Variants in JPH3 observed in about 807,000 individuals in gnomAD.
JPH3 encodes junctophilin-3.
Under a neutral mutation model 59.6 loss-of-function variants are expected in JPH3, and 11 were observed. The ratio of observed to expected loss-of-function variants is 0.18; its 90% confidence interval spans 0.12 to 0.31. The LOEUF is 0.31. Among genes scored for constraint, JPH3 ranks in the 10% least tolerant of loss-of-function variants. The pLI is 1.00. For synonymous variants in JPH3, 673 were observed against 483.6 expected, an observed-to-expected ratio of 1.39 and a Z score of -5.14; for missense variants, 1,202 against 1,105.7, an observed-to-expected ratio of 1.09 and a Z score of -1.24.
intron 1 of JPH3, among the ~76,000 whole-genome samples, chr16:87,606,950 A>T (rs192372799): frequency 6.6e-6 from 1 of 152,240 alleles, no homozygotes; most frequent in East Asian, 1.9e-4. Flanking sequence ...CCACACTGGG[A>T]AGTGGAGGCT....
chr16:87,642,645 C>T (rs1025712383), intron 1 of JPH3, among the ~76,000 whole-genome samples: 2 of 152,210 alleles, frequency 1.3e-5, no homozygotes, highest in South Asian at 2.1e-4. Flanking sequence ...GTGGCACATC[C>T]ACGCCGTTAG....
intron 1 of JPH3, among the ~76,000 whole-genome samples, chr16:87,605,153 C>T (rs2030470870): frequency 6.6e-6 from 1 of 152,166 alleles, no homozygotes; most frequent in Non-Finnish European, 1.5e-5. Flanking sequence ...CAGAGGTGCT[C>T]CTGGCTGAGC....
At chr16:87,621,282 T>C (rs2031176077) in intron 1 of JPH3, among the ~76,000 whole-genome samples, 2 of 152,312 alleles carry the variant, frequency 1.3e-5, no homozygotes, top group Middle Eastern at 3.4e-3. Context: ...CTGCTCTGTG[T>C]CGGGAGGGGC....
At chr16:87,655,516 G>A (rs900880747) in intron 2 of JPH3, among the ~76,000 whole-genome samples, 1 of 152,096 alleles carries the variant, frequency 6.6e-6, no homozygotes, top group South Asian at 2.1e-4. Flanking sequence ...ACCACGCCCA[G>A]CTAACATTTT....
Position 87,697,532 on chromosome 16 carries a change from G to C in JPH3, c.*872G>C, listed in dbSNP as rs985419215. 1 of 152,492 alleles carries C rather than the reference G, an allele frequency of 6.6e-6. No individual in the cohort carries two copies. Among genetic ancestry groups the C allele is most frequent in the African/African-American group, 2.4e-5 (1 of 41,472 alleles). The allele number at this position is 152,492 out of a possible 1,614,324, so 9.4% of individuals were successfully genotyped here. A position where few individuals can be genotyped will look rare whatever the true frequency, so the allele number is the denominator to read the frequency against. On this transcript the variant is annotated 3_prime_UTR_variant, in exon 5 of 5. Transcript: ENST00000284262. Reference sequence around the variant, plus strand: ...TGTGCGCTTGGCGTGCAGGGTGGACGCGTGGGGTTCCGTGTCCCCAGCAGT... The same window carrying C: ...TGTGCGCTTGGCGTGCAGGGTGGACCCGTGGGGTTCCGTGTCCCCAGCAGT...
At chr16:87,666,840 G>C (rs1049294519) in intron 2 of JPH3, among the ~76,000 whole-genome samples, 9 of 152,254 alleles carry the variant, frequency 5.9e-5, no homozygotes, top group Admixed American at 5.2e-4. Flanking sequence ...GGGAAACAGA[G>C]GCCACAGAGG....
intron 1 of JPH3, among the ~76,000 whole-genome samples, chr16:87,631,620 G>A (rs779276969): frequency 1.3e-5 from 2 of 152,074 alleles, no homozygotes; most frequent in Non-Finnish European, 2.9e-5. Context: ...CAGTCTGGAC[G>A]CTCACACCCT....
chr16:87,660,719 A>G lies in JPH3; in HGVS notation c.1160+15684A>G, dbSNP rs570464468. On this transcript the variant is annotated intron_variant, in intron 2 of 4. Transcript: ENST00000284262. ...CTTCCACAGATGGACCCCCAATCAC[A>G]CTGTCATATCGCCTGTCTGAGCCTC... Among the ~76,000 whole-genome samples the G allele has an allele frequency of 3.4e-3, 512 of 152,236 alleles. 3 individuals are homozygous for G. The South Asian group carries it at 0.034, about 10-fold the overall frequency.
intron 2 of JPH3, among the ~76,000 whole-genome samples, chr16:87,663,831 C>T (rs781161498): frequency 3.9e-5 from 6 of 152,302 alleles, no homozygotes; most frequent in East Asian, 1.9e-4. Context: ...GCTGTGCTGC[C>T]GTTTTTATTA....
chr16:87,668,108 G>A (rs916921840), intron 2 of JPH3, among the ~76,000 whole-genome samples: 4 of 152,182 alleles, frequency 2.6e-5, no homozygotes, highest in Non-Finnish European at 2.9e-5. Flanking sequence ...GCCCGGCTCC[G>A]TGGGCCAACT....
Position 87,644,637 on chromosome 16 carries a change from C to G in JPH3, c.762C>G (p.Ser254Arg). 1 of 1,612,156 alleles carries G rather than the reference C, an allele frequency of 6.2e-7. No homozygotes were observed. Among genetic ancestry groups the G allele is most frequent in the African/African-American group, 1.3e-5 (1 of 75,046 alleles). Residue 254 changes from serine to arginine, a missense_variant, in exon 2 of 5, where the codon AGC becomes AGG. Physicochemically the swap from Ser to Arg is moderately radical, Grantham distance 110 (BLOSUM62 -1). Transcript: ENST00000284262. ...FRSEAGMSTVSSTASDIHSTI... is the reference protein window; with the variant it reads ...FRSEAGMSTVRSTASDIHSTI... ...GCGAGGCGGGCATGAGCACCGTCAGCTCCACGGCCAGCGACATCCACTCCA... is the reference window on the plus strand; with the variant it reads ...GCGAGGCGGGCATGAGCACCGTCAGGTCCACGGCCAGCGACATCCACTCCA...
chr16:87,695,626 C>G, intron 4 of JPH3: 1 of 456,026 alleles, frequency 2.2e-6, no homozygotes, highest in South Asian at 1.5e-5. Flanking sequence ...CTGGGGCCAC[C>G]GTCCAGGAGG....
intron 1 of JPH3, among the ~76,000 whole-genome samples, chr16:87,640,832 G>A (rs1161592607): frequency 1.3e-5 from 2 of 152,250 alleles, no homozygotes; most frequent in Non-Finnish European, 2.9e-5. Context: ...GCACGGAAGG[G>A]GCAGTCGCTG....
intron 1 of JPH3, among the ~76,000 whole-genome samples, chr16:87,629,070 G>T (rs953425052): frequency 6.6e-6 from 1 of 152,112 alleles, no homozygotes; most frequent in African/African-American, 2.4e-5. Context: ...AACGCTGTGG[G>T]GGGGGCCCAG....
At chr16:87,645,095 G>C (rs1393159549) in intron 2 of JPH3, 60 bp downstream of exon 2, 61 of 1,518,078 alleles carry the variant, frequency 4.0e-5, no homozygotes, top group Non-Finnish European at 5.2e-5. Flanking sequence ...TGTGAGCCCA[G>C]TCTGTTCAGT....
At chr16:87,638,421 A>T (rs972399781) in intron 1 of JPH3, among the ~76,000 whole-genome samples, 1 of 152,102 alleles carries the variant, frequency 6.6e-6, no homozygotes, top group Admixed American at 6.5e-5. Context: ...TCATGGCCGG[A>T]ACGCCAGAGG....
At chr16:87,626,791 C>T (rs943540595) in intron 1 of JPH3, among the ~76,000 whole-genome samples, 1 of 152,158 alleles carries the variant, frequency 6.6e-6, no homozygotes, top group Non-Finnish European at 1.5e-5. Context: ...CAAGAGAAGA[C>T]GTGAGCTTCA....
intron 4 of JPH3, chr16:87,694,905 A>C: frequency 4.5e-6 from 1 of 220,302 alleles, no homozygotes; most frequent in Non-Finnish European, 9.1e-6. Flanking sequence ...TCTCTGTGGC[A>C]GCCGCGGTTG....
At position 87,611,933 on chromosome 16, in the gene JPH3, C is replaced by T. The variant is rs1257578665; in HGVS notation, c.382+8405C>T. ...GCAGCGTGTCAGGCCTGCCTGACCT[C>T]CAGGGTCAGGATGTGTGTTTGGAGA... On this transcript the variant is annotated intron_variant, in intron 1 of 4. Coordinates refer to ENST00000284262, the MANE Select transcript of JPH3 (RefSeq NM_020655.4). The surrounding 1 kb of genome is among the most constrained non-coding windows in gnomAD (Gnocchi z 4.5). 1.3e-5 allele frequency among the ~76,000 whole-genome samples: 2 copies of T among 152,144 alleles called. No individual in the cohort carries two copies. The highest frequency in any genetic ancestry group is 4.8e-5 in the African/African-American group (2 of 41,432).
Sources: allele counts gnomAD v4.1 joint callset (sites outside exome capture counted in the v4.1 genomes callset), GRCh38; gene constraint gnomAD v4.1.1; non-coding constraint Gnocchi (gnomAD v3.1); transcripts MANE v1.5; gene names NCBI Gene and HGNC (gene_info 2026-07-23, HGNC 2026-07-21).